Variants in CCDC33 observed in about 807,000 individuals in gnomAD.
The protein encoded by CCDC33 is coiled-coil domain containing 33.
Under a neutral mutation model 91.9 loss-of-function variants are expected in CCDC33, and 94 were observed. The ratio of observed to expected loss-of-function variants is 1.02; its 90% confidence interval spans 0.87 to 1.21. The LOEUF (loss-of-function observed/expected upper bound fraction) is 1.21. Ranked by LOEUF, CCDC33 falls within the 50% of genes most tolerant of loss-of-function variation. CCDC33 has a pLI of 0.00. For synonymous variants in CCDC33, 396 were observed against 374.5 expected (o/e 1.06, Z -0.66); for missense variants, 940 against 935.5 (o/e 1.00, Z -0.06).
rs1253568651 is a variant in CCDC33 at position 74,318,748 on chromosome 15, A to T, written c.1291-11441A>T. The T allele has an allele frequency of 4.4e-6, 3 of 689,572 alleles. No individual in the cohort carries two copies. In the South Asian group the frequency reaches 4.8e-5, roughly 11 times the overall value. 42.7% of individuals were successfully genotyped at this position (689,572 alleles called of 1,614,324 possible). The stretch of plus-strand genomic sequence containing the variant: ...TGGGGTGTGTTGCCCAGCAACCAGT[A>T]GAGGTGTTCCCAGAGCCTCTTAAGT... On this transcript the variant is annotated intron_variant, in intron 11 of 18. Transcript: ENST00000398814.
intron 2 of CCDC33, among the ~76,000 whole-genome samples, chr15:74,226,874 G>A (rs1052770639): frequency 1.3e-5 from 2 of 151,998 alleles, no homozygotes; most frequent in Admixed American, 6.6e-5. Flanking sequence ...AAGGCGTGGA[G>A]GTATTCGAGG....
intron 2 of CCDC33, among the ~76,000 whole-genome samples, chr15:74,220,596 C>T (rs537257698): frequency 2.8e-4 from 42 of 152,116 alleles, no homozygotes; most frequent in African/African-American, 8.9e-4. Flanking sequence ...TGAATGTGTG[C>T]GAGGGAGGGG....
At chr15:74,302,442 G>C (rs929650842) in intron 11 of CCDC33, 3 of 152,254 alleles carry the variant, frequency 2.0e-5, no homozygotes, top group Non-Finnish European at 4.4e-5. Flanking sequence ...TGGGGACGCT[G>C]GGTGACCATG....
At position 74,268,344 on chromosome 15, in the gene CCDC33, C is replaced by T. The variant is rs772453232; in HGVS notation, c.432C>T (p.Pro144=). Residue 144 remains proline (P), a splice_region_variant and synonymous_variant, in exon 5 of 19, where the codon CCC becomes CCT. Transcript: ENST00000398814. ...FHPYHFELVK[P]TESGKADEAT... Reference sequence around the variant, plus strand: ...TTCTGCCCCAACCCTGTCTCCAGCCCACTGAGTCTGGGAAAGCCGATGAAG... The same window carrying T: ...TTCTGCCCCAACCCTGTCTCCAGCCTACTGAGTCTGGGAAAGCCGATGAAG... The T allele has an allele frequency of 4.3e-6, 7 of 1,611,982 alleles. No individual in the cohort carries two copies. The Admixed American group carries it at 1.2e-4, about 27-fold the overall frequency.
At chr15:74,300,881 C>A (rs2059782634) in intron 11 of CCDC33, 1 of 152,398 alleles carries the variant, frequency 6.6e-6, no homozygotes, top group South Asian at 2.1e-4. Flanking sequence ...CCAACCATTT[C>A]TTCTCACCTT....
rs1227534771 is a variant in CCDC33 at position 74,244,481 on chromosome 15, T to A, written c.185+333T>A. ...GGGCTCATGGGCATGATGGTCAGAT[T>A]GGGGAAGGGGAAGATTTGGGACCTG... On this transcript the variant is annotated intron_variant, in intron 2 of 18. Transcript: ENST00000398814. This position sits in a 1 kb window ranked among gnomAD's most constrained non-coding sequence, Gnocchi z 4.2. Among the ~76,000 whole-genome samples the A allele has an allele frequency of 1.3e-5, 2 of 152,010 alleles. No homozygotes were observed. The highest frequency in any genetic ancestry group is 6.5e-5 in the Admixed American group (1 of 15,274).
chr15:74,283,527 T>G (rs2059411022), intron 10 of CCDC33, among the ~76,000 whole-genome samples: 1 of 152,212 alleles, frequency 6.6e-6, no homozygotes. Flanking sequence ...AGTGCAGAAT[T>G]AATCCCTTTC....
rs2060098871 is a variant in CCDC33 at position 74,316,957 on chromosome 15, T to C, written c.1291-13232T>C. On this transcript the variant is annotated intron_variant, in intron 11 of 18. Transcript: ENST00000398814. This position sits in a 1 kb window ranked among gnomAD's most constrained non-coding sequence, Gnocchi z 4.7. ...CTGCTTAGTAACAGAGCCCACTATC[T>C]TTCCACTTCACCAGGCCCACTCAAA... Among the ~76,000 whole-genome samples, 1 of 152,186 alleles carries C rather than the reference T, an allele frequency of 6.6e-6. No homozygotes were observed. Among genetic ancestry groups the C allele is most frequent in the Non-Finnish European group, 1.5e-5 (1 of 68,022 alleles).
In CCDC33 at chr15:74,331,306, C is replaced by A. The variant is rs1306431667; in HGVS notation, c.1771+10C>A. On this transcript the variant is annotated intron_variant, in intron 15 of 18. Coordinates refer to ENST00000398814, the MANE Select transcript of CCDC33 (RefSeq NM_025055.5). ...GGAAAGCCCTACACGGGTGGGTCCA[C>A]ACCCTGATGTGATCAGCTCCCCAGC... 6.2e-7 allele frequency: 1 copy of A among 1,613,146 alleles called. No homozygotes were observed. Among genetic ancestry groups the A allele is most frequent in the African/African-American group, 1.3e-5 (1 of 74,920 alleles).
intron 10 of CCDC33, among the ~76,000 whole-genome samples, chr15:74,285,838 A>T (rs2059462534): frequency 6.6e-6 from 1 of 152,226 alleles, no homozygotes; most frequent in African/African-American, 2.4e-5. Flanking sequence ...ACACACACAG[A>T]TCACACAAAA....
intron 3 of CCDC33, among the ~76,000 whole-genome samples, chr15:74,262,946 C>T (rs146421903): frequency 2.6e-4 from 39 of 152,290 alleles, no homozygotes; most frequent in Non-Finnish European, 3.7e-4. Context: ...AATGCTGCTC[C>T]CATTGCTTAA....
intron 2 of CCDC33, among the ~76,000 whole-genome samples, chr15:74,230,299 C>A (rs2074929598): frequency 6.6e-6 from 1 of 152,168 alleles, no homozygotes; most frequent in African/African-American, 2.4e-5. Context: ...CTATTGTCCC[C>A]ACCCCAAGGC....
intron 9 of CCDC33, among the ~76,000 whole-genome samples, chr15:74,281,362 T>C (rs1185965604): frequency 5.9e-5 from 9 of 152,246 alleles, no homozygotes; most frequent in Non-Finnish European, 8.8e-5. Context: ...AATGGGTACA[T>C]GGCAATAGCA....
Position 74,241,333 on chromosome 15 carries a change from G to A in CCDC33, c.22-2652G>A, listed in dbSNP as rs571401562. ...TAGGCAAGGACCACAGCCTGCACCA[G>A]GCAAGCCAAGGGAAGTAGGGGAGCA... is the stretch of plus-strand genomic sequence containing the variant. On this transcript the variant is annotated intron_variant, in intron 1 of 18. Transcript: ENST00000398814. Among the ~76,000 whole-genome samples the A allele has an allele frequency of 1.2e-4, 18 of 152,356 alleles. No individual in the cohort carries two copies. In the South Asian group the frequency reaches 3.7e-3, roughly 32 times the overall value.
At chr15:74,265,841 T>C (rs1566981419) in intron 3 of CCDC33, among the ~76,000 whole-genome samples, 1 of 152,214 alleles carries the variant, frequency 6.6e-6, no homozygotes, top group Admixed American at 6.5e-5. Context: ...CTGGCCAACA[T>C]GGCAAAACCT....
intron 2 of CCDC33, among the ~76,000 whole-genome samples, chr15:74,211,131 C>A (rs1177259229): frequency 4.3e-5 from 6 of 140,810 alleles, no homozygotes; most frequent in Non-Finnish European, 9.2e-5. Context: ...AGAGATTCCC[C>A]CCCACCACTA....
chr15:74,335,141 G>T (rs752649384), intron 18 of CCDC33, 53 bp downstream of exon 18: 1 of 1,378,294 alleles, frequency 7.3e-7, no homozygotes. Flanking sequence ...GGAGCAGGAA[G>T]CCACCGCACC....
upstream of CCDC33, among the ~76,000 whole-genome samples, chr15:74,215,886 A>G (rs147288281): frequency 0.015 from 1,728 of 113,848 alleles, 23 homozygotes; most frequent in African/African-American, 0.043. Context: ...AAAAAAAAAA[A>G]AAAGAAAGAA....
At chr15:74,281,182 C>T (rs1310402497) in intron 9 of CCDC33, among the ~76,000 whole-genome samples, 2 of 152,232 alleles carry the variant, frequency 1.3e-5, no homozygotes, top group African/African-American at 4.8e-5. Context: ...TCGTCTGTAA[C>T]ACAGGAGAAG....
Sources: gnomAD v4.1 joint callset for allele counts (sites outside exome capture counted in the v4.1 genomes callset) on GRCh38, gnomAD v4.1.1 for gene constraint, Gnocchi (gnomAD v3.1) non-coding constraint, MANE v1.5 for transcripts, NCBI Gene and HGNC (gene_info 2026-07-23, HGNC 2026-07-21) for gene names.